The following XKR9 variants were observed in gnomAD, a reference collection of about 807,000 sequenced individuals.
XKR9 encodes the protein XK related 9.
XKR9 carries 32 observed loss-of-function variants against 32.0 expected under a neutral mutation model. The observed-to-expected ratio is 1.00, with a 90% confidence interval of 0.76 to 1.34. The LOEUF (loss-of-function observed/expected upper bound fraction) is 1.34, where lower values mean the gene tolerates loss of function less well. XKR9 is among the 40% of genes most tolerant of loss of function. XKR9 has a pLI of 0.00. For missense variants in XKR9, 546 were observed against 429.7 expected, an observed-to-expected ratio of 1.27 and a Z score of -2.39; for synonymous variants, 168 against 143.4, an observed-to-expected ratio of 1.17 and a Z score of -1.22.
the XKR9 span, among the ~76,000 whole-genome samples, chr8:70,837,131 A>G: frequency 6.6e-6 from 1 of 152,042 alleles, no homozygotes; most frequent in African/African-American, 2.4e-5. Flanking sequence ...GTTATAGTAC[A>G]TACCTCTAAT....
chr8:70,699,482 C>G (rs1381844030), intron 3 of XKR9, among the ~76,000 whole-genome samples: 1 of 152,122 alleles, frequency 6.6e-6, no homozygotes, highest in East Asian at 1.9e-4. Context: ...GTTGAAAATT[C>G]TTTTCTTTCA....
the XKR9 span, among the ~76,000 whole-genome samples, chr8:70,799,386 T>G: frequency 6.6e-6 from 1 of 152,312 alleles, no homozygotes; most frequent in Non-Finnish European, 1.5e-5. Flanking sequence ...GCTGGAGTGC[T>G]GCGGTGCGAT....
rs1305054536 is a variant in XKR9, at chr8:70,785,747, A to C, written n.353-3592A>C. Among the ~76,000 whole-genome samples, 1,009 of 147,270 alleles carry C rather than the reference A, an allele frequency of 6.9e-3. 4 individuals carry two copies. The highest frequency in any genetic ancestry group is 0.01 in the Non-Finnish European group (677 of 66,960). ...TCTCTCTCTCTCTCTCTCTATATAT[A>C]TATATATATGTATATATGTGTATAT... On this transcript the variant is annotated intron_variant and non_coding_transcript_variant, in intron 2 of 3. Transcript: ENST00000520273.
the XKR9 span, among the ~76,000 whole-genome samples, chr8:71,020,248 G>A: frequency 6.6e-6 from 1 of 152,174 alleles, no homozygotes; most frequent in Admixed American, 6.5e-5. Flanking sequence ...GAGCCAGTTG[G>A]AAATATGGAA....
chr8:70,723,027 A>T (rs1806335167), intron 4 of XKR9, among the ~76,000 whole-genome samples: 1 of 151,464 alleles, frequency 6.6e-6, no homozygotes, highest in African/African-American at 2.4e-5. Context: ...TCTTGTCTTC[A>T]TGCCTTATTT....
At chr8:70,767,014 G>T (rs181957907) in intron 2 of XKR9, among the ~76,000 whole-genome samples, 1 of 152,166 alleles carries the variant, frequency 6.6e-6, no homozygotes, top group Admixed American at 6.5e-5. Context: ...TTTTATTGAG[G>T]ATTTTTCACA....
chr8:70,692,932 T>C (rs1805133249), intron 3 of XKR9, among the ~76,000 whole-genome samples: 1 of 152,132 alleles, frequency 6.6e-6, no homozygotes, highest in Non-Finnish European at 1.5e-5. Flanking sequence ...TTATTGAGAG[T>C]TTTTAACATG....
chr8:70,684,358 A>G (rs1048249591), intron 3 of XKR9, among the ~76,000 whole-genome samples: 1 of 151,754 alleles, frequency 6.6e-6, no homozygotes, highest in Admixed American at 6.6e-5. Context: ...TTATTTTTGA[A>G]CTCTTTGTGA....
the XKR9 span, among the ~76,000 whole-genome samples, chr8:70,851,308 C>A: frequency 1.3e-5 from 2 of 152,114 alleles, no homozygotes; most frequent in South Asian, 2.1e-4. Context: ...GAAAAATATT[C>A]CATATTCATG....
chr8:70,704,055 A>G (rs1243596290), intron 3 of XKR9, among the ~76,000 whole-genome samples: 2 of 151,950 alleles, frequency 1.3e-5, no homozygotes, highest in Non-Finnish European at 2.9e-5. Flanking sequence ...GGTGGCGGGC[A>G]CCTGTAGTCC....
chr8:71,009,529 G>T, the XKR9 span, among the ~76,000 whole-genome samples: 1 of 152,180 alleles, frequency 6.6e-6, no homozygotes, highest in African/African-American at 2.4e-5. Context: ...TGATGATGGG[G>T]CGATTGTTAC....
At chr8:70,931,733 G>A in the XKR9 span, among the ~76,000 whole-genome samples, 2 of 152,208 alleles carry the variant, frequency 1.3e-5, no homozygotes, top group South Asian at 2.1e-4. Context: ...GAGGGAGCAG[G>A]TATATCATGT....
At chr8:70,907,337 T>C in the XKR9 span, among the ~76,000 whole-genome samples, 1 of 152,226 alleles carries the variant, frequency 6.6e-6, no homozygotes, top group South Asian at 2.1e-4. Flanking sequence ...TTTGTGCAGT[T>C]AAAAAGTTAA....
downstream of XKR9, among the ~76,000 whole-genome samples, chr8:70,739,694 C>G (rs1292451043): frequency 6.6e-6 from 1 of 152,090 alleles, no homozygotes; most frequent in Non-Finnish European, 1.5e-5. Context: ...ATTTGCTTGT[C>G]TGTAAAGTAT....
chr8:70,942,973 T>A, the XKR9 span, among the ~76,000 whole-genome samples: 2 of 152,140 alleles, frequency 1.3e-5, no homozygotes, highest in African/African-American at 4.8e-5. Context: ...TTTCAAAGCC[T>A]GAAGAGATTT....
rs933900416 is a variant in XKR9 at position 70,735,427 on chromosome 8, G to GTTTA, written c.*1015_*1018dup. 1.3e-4 allele frequency: 19 copies of GTTTA among 151,122 alleles called. No individual in the cohort carries two copies. In the East Asian group the frequency reaches 3.7e-3, roughly 29 times the overall value. 9.4% of individuals were successfully genotyped at this position (151,122 alleles called of 1,614,324 possible). A position where few individuals can be genotyped will look rare whatever the true frequency, so the allele number is the denominator to read the frequency against. On this transcript the variant is annotated 3_prime_UTR_variant, in exon 5 of 5. Transcript: ENST00000408926. ...GGCATTTGGAAGTGGTGGGGACTTT[G>GTTTA]TTTATTTATTTATTTTTAATTTTTT...
intron 2 of XKR9, among the ~76,000 whole-genome samples, chr8:70,769,648 T>G (rs951861644): frequency 2.6e-5 from 4 of 152,092 alleles, no homozygotes; most frequent in African/African-American, 9.7e-5. Flanking sequence ...TTTCATTCTT[T>G]TTTCTCTAAT....
At chr8:70,768,206 TCA>T (rs1807404484) in intron 2 of XKR9, among the ~76,000 whole-genome samples, 1 of 152,222 alleles carries the variant, frequency 6.6e-6, no homozygotes, top group Non-Finnish European at 1.5e-5. Context: ...AGCAGGTTGT[TCA>T]GTTTCCATGT....
At chr8:70,737,501 C>A (rs1372483889), downstream of XKR9, among the ~76,000 whole-genome samples, 1 of 132,528 alleles carries the variant, frequency 7.5e-6, no homozygotes, top group East Asian at 2.0e-4. Flanking sequence ...ACTTCCAACA[C>A]TATGTTGAAT....
Sources: allele counts gnomAD v4.1 joint callset (sites outside exome capture counted in the v4.1 genomes callset), GRCh38; gene constraint gnomAD v4.1.1; transcripts MANE v1.5; gene names NCBI Gene and HGNC (gene_info 2026-07-23, HGNC 2026-07-21).